Variants in ZRANB3 observed in about 807,000 individuals in gnomAD.
ZRANB3 encodes zinc finger RANBP2-type containing 3, also known as DNA annealing helicase and endonuclease ZRANB3.
ZRANB3 carries 125 observed loss-of-function variants against 133.8 expected under a neutral mutation model. The observed-to-expected ratio is 0.93, with a 90% CI of 0.81 to 1.08. ZRANB3 has a LOEUF of 1.08. Ranked by LOEUF, ZRANB3 falls within the 50% of genes least tolerant of loss-of-function variation. ZRANB3 has a pLI of 0.00. For missense variants in ZRANB3, 1,229 were observed against 1,275.5 expected, an observed-to-expected ratio of 0.96 and a Z score of 0.56; for synonymous variants, 387 against 432.7, an observed-to-expected ratio of 0.89 and a Z score of 1.31.
chr2:135,502,796 G>C (rs138574493), intron 2 of ZRANB3, among the ~76,000 whole-genome samples: 2 of 152,296 alleles, frequency 1.3e-5, no homozygotes, highest in East Asian at 1.9e-4. Flanking sequence ...AAAAGCAATG[G>C]AAATCTACAG....
intron 2 of ZRANB3, among the ~76,000 whole-genome samples, chr2:135,492,991 G>A (rs1038348586): frequency 6.0e-5 from 9 of 150,370 alleles, no homozygotes; most frequent in Admixed American, 6.0e-4. Flanking sequence ...TTATGGGAAT[G>A]ATAGATTTTT....
At chr2:135,434,311 G>A (rs1689439901) in intron 2 of ZRANB3, among the ~76,000 whole-genome samples, 2 of 152,196 alleles carry the variant, frequency 1.3e-5, no homozygotes, top group South Asian at 4.1e-4. Flanking sequence ...CTCTGGCAGA[G>A]GAACAAAGTC....
chr2:135,263,111 T>C (rs1680043901), intron 12 of ZRANB3, among the ~76,000 whole-genome samples: 1 of 152,166 alleles, frequency 6.6e-6, no homozygotes, highest in Admixed American at 6.5e-5. Flanking sequence ...TATCCATTCT[T>C]CTCTCCCAGA....
rs1354916265 is a variant in ZRANB3, at chr2:135,485,194, A to ATAACATAACG, written c.161+19134_161+19135insCGTTATGTTA. Among the ~76,000 whole-genome samples the ATAACATAACG allele has an allele frequency of 1.3e-5, 2 of 150,066 alleles. 1 individual carries two copies. The highest frequency in any genetic ancestry group is 6.3e-3 in the Middle Eastern group (2 of 316). On this transcript the variant is annotated intron_variant, in intron 2 of 20. Transcript: ENST00000264159. ...AAAACAAAACAAAACAAAACATAAC[A>ATAACATAACG]TAACATAACATAACATAACAGCCAA...
intron 2 of ZRANB3, among the ~76,000 whole-genome samples, chr2:135,502,505 A>G (rs1179713361): frequency 6.6e-6 from 1 of 152,224 alleles, no homozygotes; most frequent in African/African-American, 2.4e-5. Context: ...GGATTATAAA[A>G]TCCATTTCAT....
At chr2:135,509,923 T>C (rs1325065005) in intron 1 of ZRANB3, among the ~76,000 whole-genome samples, 3 of 152,130 alleles carry the variant, frequency 2.0e-5, no homozygotes, top group Non-Finnish European at 2.9e-5. Context: ...CCAAACCCAC[T>C]GTAAAAACAG....
Position 135,325,770 on chromosome 2 carries a change from T to C in ZRANB3, c.678-10240A>G, listed in dbSNP as rs534363615. The stretch of plus-strand genomic sequence containing the variant: ...TCTGCAATGTCCAAAGGCTTAATAA[T>C]GTACTGAACATTCACAGCTGCTAAC... On this transcript the variant is annotated intron_variant, in intron 6 of 20. Transcript: ENST00000264159. 3.3e-5 allele frequency among the ~76,000 whole-genome samples: 5 copies of C among 152,306 alleles called. No individual in the cohort carries two copies. The East Asian group carries it at 9.6e-4, about 29-fold the overall frequency.
intron 15 of ZRANB3, among the ~76,000 whole-genome samples, chr2:135,223,798 C>T (rs1694648828): frequency 6.6e-6 from 1 of 152,178 alleles, no homozygotes; most frequent in Non-Finnish European, 1.5e-5. Context: ...TGGCAGGAAT[C>T]AGCAATCATC....
chr2:135,381,128 T>C (rs1686671220), intron 3 of ZRANB3, among the ~76,000 whole-genome samples: 1 of 152,130 alleles, frequency 6.6e-6, no homozygotes, highest in African/African-American at 2.4e-5. Context: ...AAATGGCACC[T>C]GGAAAATTGG....
At chr2:135,271,674 A>G in intron 10 of ZRANB3, 94 bp downstream of exon 10, 1 of 1,396,788 alleles carries the variant, frequency 7.2e-7, no homozygotes, top group Non-Finnish European at 9.6e-7. Flanking sequence ...TCCAGATACA[A>G]AGTTACAAGT....
chr2:135,327,862 T>G (rs1423513426), intron 6 of ZRANB3, among the ~76,000 whole-genome samples: 1 of 152,116 alleles, frequency 6.6e-6, no homozygotes, highest in Non-Finnish European at 1.5e-5. Flanking sequence ...ATTATGTATT[T>G]TAGTTACTGA....
intron 2 of ZRANB3, among the ~76,000 whole-genome samples, chr2:135,471,907 T>C (rs1412354970): frequency 6.6e-6 from 1 of 152,240 alleles, no homozygotes; most frequent in Admixed American, 6.5e-5. Flanking sequence ...TCTGACATTT[T>C]CCATTGAATT....
chr2:135,403,687 C>T (rs1230975797), intron 2 of ZRANB3, among the ~76,000 whole-genome samples: 1 of 152,226 alleles, frequency 6.6e-6, no homozygotes, highest in Non-Finnish European at 1.5e-5. Context: ...AGTAGCCTAA[C>T]TGGGAGGCAC....
intron 6 of ZRANB3, among the ~76,000 whole-genome samples, chr2:135,323,062 C>A (rs573833697): frequency 6.6e-6 from 1 of 151,826 alleles, no homozygotes; most frequent in Admixed American, 6.6e-5. Flanking sequence ...ACATGGTATA[C>A]CACTCCATTC....
At chr2:135,250,456 G>A (rs573879363) in intron 12 of ZRANB3, among the ~76,000 whole-genome samples, 4 of 152,326 alleles carry the variant, frequency 2.6e-5, no homozygotes, top group Non-Finnish European at 5.9e-5. Flanking sequence ...CCAAGACCAT[G>A]GGGAAAATGT....
chr2:135,250,754 G>T (rs1471345310), intron 12 of ZRANB3, among the ~76,000 whole-genome samples: 1 of 152,242 alleles, frequency 6.6e-6, no homozygotes, highest in African/African-American at 2.4e-5. Context: ...CCTCCGCCTG[G>T]ATTTCAGGAG....
intron 2 of ZRANB3, among the ~76,000 whole-genome samples, chr2:135,395,665 C>T (rs1291015446): frequency 6.6e-6 from 1 of 151,974 alleles, no homozygotes; most frequent in Non-Finnish European, 1.5e-5. Context: ...ACCATTTTGG[C>T]CAGGCTGGTC....
At chr2:135,217,656 T>C (rs768700361) in intron 16 of ZRANB3, 49 bp from the exon 17 acceptor site, 3 of 1,582,484 alleles carry the variant, frequency 1.9e-6, no homozygotes, top group East Asian at 2.2e-5. Context: ...GGCAGATATC[T>C]TCCTTTGAAT....
rs917707404 is a variant in ZRANB3 at position 135,197,135 on chromosome 2, C to T, written c.*3207G>A. On this transcript the variant is annotated 3_prime_UTR_variant, in exon 21 of 21. Transcript: ENST00000264159. ...ATATTCAGATAGATTAGTGCAGTGA[C>T]TAGGAGCCCACAATTTTCCAGTTCA... 6.6e-6 allele frequency: 1 copy of T among 152,172 alleles called. No individual in the cohort carries two copies. Among genetic ancestry groups the T allele is most frequent in the Non-Finnish European group, 1.5e-5 (1 of 68,030 alleles). The allele number at this position is 152,172 out of a possible 1,614,324, so 9.4% of individuals were successfully genotyped here.
Sources: gnomAD v4.1 joint callset for allele counts (sites outside exome capture counted in the v4.1 genomes callset) on GRCh38, gnomAD v4.1.1 for gene constraint, MANE v1.5 for transcripts, NCBI Gene and HGNC (gene_info 2026-07-23, HGNC 2026-07-21) for gene names.